Variants in PRKD1 observed in about 807,000 individuals in gnomAD.
PRKD1 encodes the protein protein kinase D1, also known as serine/threonine-protein kinase D1.
In PRKD1, 63 loss-of-function variants were observed where a neutral mutation model predicts 95.9. The ratio of observed to expected loss-of-function variants is 0.66; its 90% confidence interval spans 0.54 to 0.81. PRKD1 has a LOEUF of 0.81. PRKD1 is among the 30% of genes least tolerant of loss of function. The pLI, the probability that PRKD1 is intolerant of heterozygous loss-of-function variation, is 0.00. For synonymous variants in PRKD1, 425 were observed against 423.1 expected (o/e 1.00, Z -0.05); for missense variants, 1,048 against 1,165.3 (o/e 0.90, Z 1.47).
At chr14:29,686,352 T>C (rs1883870371) in intron 2 of PRKD1, among the ~76,000 whole-genome samples, 1 of 151,538 alleles carries the variant, frequency 6.6e-6, no homozygotes, top group African/African-American at 2.4e-5. Context: ...GTGTGTCAGT[T>C]GGGAGTGAGG....
At chr14:29,875,667 T>C (rs984124833) in intron 1 of PRKD1, among the ~76,000 whole-genome samples, 4 of 152,226 alleles carry the variant, frequency 2.6e-5, no homozygotes, top group African/African-American at 9.6e-5. Context: ...ATTTTATTTA[T>C]GCACTGCTGA....
chr14:29,599,210 T>C, intron 14 of PRKD1, 85 bp from the exon 15 acceptor site: 1 of 1,107,546 alleles, frequency 9.0e-7, no homozygotes, highest in South Asian at 1.3e-5. Flanking sequence ...GAAAAAAAAC[T>C]GACAATGGAC....
At chr14:29,801,388 C>T (rs995620712) in intron 1 of PRKD1, among the ~76,000 whole-genome samples, 3 of 152,176 alleles carry the variant, frequency 2.0e-5, no homozygotes, top group Non-Finnish European at 4.4e-5. Flanking sequence ...GCTAAGTTGA[C>T]ACGTGTAGCT....
intron 13 of PRKD1, among the ~76,000 whole-genome samples, chr14:29,603,391 G>A (rs1893593190): frequency 6.6e-6 from 1 of 152,068 alleles, no homozygotes; most frequent in African/African-American, 2.4e-5. Flanking sequence ...ATATTTGATA[G>A]TAACAAAAGA....
At chr14:29,881,725 C>T (rs545003627) in intron 1 of PRKD1, among the ~76,000 whole-genome samples, 22 of 152,236 alleles carry the variant, frequency 1.4e-4, no homozygotes, top group African/African-American at 4.8e-4. Context: ...TATTCTTCCT[C>T]TCTCCCAAAA....
chr14:29,617,503 C>T (rs533596487), intron 13 of PRKD1, among the ~76,000 whole-genome samples: 13 of 152,206 alleles, frequency 8.5e-5, no homozygotes, highest in East Asian at 1.9e-4. Flanking sequence ...ATATTCAGTG[C>T]TTTTAAAATT....
chr14:29,663,657 T>C, intron 4 of PRKD1, 42 bp downstream of exon 4: 1 of 1,597,696 alleles, frequency 6.3e-7, no homozygotes, highest in Non-Finnish European at 8.6e-7. Context: ...ACCCCACAGA[T>C]TTCTCATGTA....
At chr14:29,813,322 C>A (rs1253901879) in intron 1 of PRKD1, among the ~76,000 whole-genome samples, 2 of 152,170 alleles carry the variant, frequency 1.3e-5, no homozygotes, top group Non-Finnish European at 2.9e-5. Flanking sequence ...CATACATTTA[C>A]AACTGGAAGT....
chr14:29,642,939 G>C (rs567419639), intron 4 of PRKD1, among the ~76,000 whole-genome samples: 1 of 150,284 alleles, frequency 6.7e-6, no homozygotes, highest in African/African-American at 2.4e-5. Context: ...GAGAAGAGGA[G>C]GGAAAGTTGA....
chr14:29,839,272 T>C (rs952285140), intron 1 of PRKD1, among the ~76,000 whole-genome samples: 1 of 152,198 alleles, frequency 6.6e-6, no homozygotes, highest in Non-Finnish European at 1.5e-5. Context: ...CTACAGCCAA[T>C]GGCAGAGCTT....
At chr14:29,901,821 T>A (rs141489279) in intron 1 of PRKD1, among the ~76,000 whole-genome samples, 32 of 152,270 alleles carry the variant, frequency 2.1e-4, no homozygotes, top group African/African-American at 7.0e-4. Context: ...AACTCTGATG[T>A]TAGGAAAAAC....
intron 4 of PRKD1, among the ~76,000 whole-genome samples, chr14:29,660,706 C>T (rs970957158): frequency 2.0e-5 from 3 of 151,958 alleles, no homozygotes; most frequent in Non-Finnish European, 4.4e-5. Context: ...CCAAATACCA[C>T]AAGAACACAT....
Position 29,599,683 on chromosome 14 carries a change from C to G in PRKD1, c.2040G>C (p.Glu680Asp). The stretch of plus-strand genomic sequence containing the variant: ...GAGTAATTAAAAACTTCGTTATGTG[C>G]TCTGGCAACCTGCCCTTTTCACTTG... Reference protein sequence around the residue: ...ILSSEKGRLPEHITKFLITQI... With the variant: ...ILSSEKGRLPDHITKFLITQI... The change falls in exon 14 of 18, where the codon GAG becomes GAC. Residue 680 changes from glutamate to aspartate, a missense_variant. Transcript: ENST00000331968. 6.2e-7 allele frequency: 1 copy of G among 1,612,742 alleles called. No individual in the cohort carries two copies. The highest frequency in any genetic ancestry group is 8.5e-7 in the Non-Finnish European group (1 of 1,179,578).
rs750849588 is a variant in PRKD1 at position 29,890,892 on chromosome 14, T to C, written c.264+36357A>G. On this transcript the variant is annotated intron_variant, in intron 1 of 17. Transcript: ENST00000331968. ...AGTTAATGTTAATGTTAATACTGAA[T>C]GAAAGTTAATGTTCCATATGATTTT... 2.0e-3 allele frequency among the ~76,000 whole-genome samples: 309 copies of C among 152,330 alleles called. 4 individuals are homozygous for C. Among genetic ancestry groups the C allele is most frequent in the Non-Finnish European group, 2.1e-3 (142 of 68,034 alleles).
chr14:29,818,153 A>G (rs915315545), intron 1 of PRKD1, among the ~76,000 whole-genome samples: 17 of 152,234 alleles, frequency 1.1e-4, no homozygotes, highest in Admixed American at 6.5e-4. Context: ...TTGGAAAGAA[A>G]AGAGAAGCAT....
chr14:29,646,765 AC>A (rs796508726), intron 4 of PRKD1, among the ~76,000 whole-genome samples: 35 of 150,212 alleles, frequency 2.3e-4, no homozygotes, highest in African/African-American at 7.9e-4. Flanking sequence ...AAAAAAAAAA[AC>A]CCACACAGTC....
At chr14:29,769,386 T>C (rs2139133869) in intron 1 of PRKD1, among the ~76,000 whole-genome samples, 1 of 152,090 alleles carries the variant, frequency 6.6e-6, no homozygotes, top group East Asian at 1.9e-4. Context: ...CTGGGCAACA[T>C]ACTGAGACCC....
intron 16 of PRKD1, among the ~76,000 whole-genome samples, chr14:29,589,723 T>C (rs1340584072): frequency 6.6e-6 from 1 of 152,124 alleles, no homozygotes. Context: ...CATTTATCTT[T>C]CATGCCATGC....
intron 1 of PRKD1, among the ~76,000 whole-genome samples, chr14:29,823,852 G>A (rs1891013075): frequency 6.6e-6 from 1 of 152,128 alleles, no homozygotes. Flanking sequence ...TGCTGAAGTC[G>A]AAGAAACAGG....
Sources: allele counts gnomAD v4.1 joint callset (sites outside exome capture counted in the v4.1 genomes callset), GRCh38; gene constraint gnomAD v4.1.1; transcripts MANE v1.5; gene names NCBI Gene and HGNC (gene_info 2026-07-23, HGNC 2026-07-21).